The following ELP1 variants were observed in gnomAD, a reference collection of about 807,000 sequenced individuals.
ELP1 encodes the protein elongator complex protein 1.
Under a neutral mutation model 183.2 loss-of-function variants are expected in ELP1, and 131 were observed. The ratio of observed to expected loss-of-function variants is 0.72; its 90% confidence interval spans 0.62 to 0.83. The LOEUF (loss-of-function observed/expected upper bound fraction) is 0.83. Ranked by LOEUF, ELP1 falls within the 40% of genes least tolerant of loss-of-function variation. The probability of loss-of-function intolerance (pLI) is 0.00; values close to 1 mark genes in which losing one functional copy is unlikely to be tolerated. For missense variants in ELP1, 1,550 were observed against 1,594.9 expected (o/e 0.97, Z 0.48); for synonymous variants, 555 against 569.0 (o/e 0.98, Z 0.35).
At chr9:108,903,512 C>T (rs1342663844) in intron 15 of ELP1, 51 bp downstream of exon 15, 1 of 1,181,586 alleles carries the variant, frequency 8.5e-7, no homozygotes, top group Admixed American at 1.7e-5. Flanking sequence ...TTCTTAAGAA[C>T]TAAGCATCTA....
intron 36 of ELP1, 80 bp from the exon 37 acceptor site, chr9:108,869,262 A>G: frequency 8.5e-7 from 1 of 1,180,286 alleles, no homozygotes; most frequent in Non-Finnish European, 1.3e-6. Context: ...TAAACTAAAC[A>G]AACTAGGCAG....
chr9:108,917,387 A>T (rs937184832), intron 9 of ELP1, among the ~76,000 whole-genome samples, 160 bp downstream of exon 9: 7 of 152,030 alleles, frequency 4.6e-5, no homozygotes, highest in Admixed American at 4.6e-4. Context: ...GAATCACTTG[A>T]ACCTAGGAGG....
chr9:108,914,418 G>A (rs1210234470), intron 10 of ELP1, among the ~76,000 whole-genome samples: 1 of 140,824 alleles, frequency 7.1e-6, no homozygotes, highest in Admixed American at 7.1e-5. Context: ...AAAAAAGGGG[G>A]GGGGGGTTCT....
At chr9:108,913,126 A>T (rs1829296297) in intron 10 of ELP1, among the ~76,000 whole-genome samples, 1 of 152,178 alleles carries the variant, frequency 6.6e-6, no homozygotes, top group Non-Finnish European at 1.5e-5. Context: ...AGGAAAAAGC[A>T]TTCTTTTAGT....
At position 108,892,967 on chromosome 9, in the gene ELP1, A is replaced by T. The variant is rs775117814; in HGVS notation, c.2958+19T>A. On this transcript the variant is annotated intron_variant, in intron 27 of 36. Coordinates refer to ENST00000374647, the MANE Select transcript of ELP1 (RefSeq NM_003640.5). Reference sequence around the variant, plus strand: ...CAAAAAGCAAAACCAGGAGAGCCTCATTTTCACATACCACATACCTGGTAC... The same window carrying T: ...CAAAAAGCAAAACCAGGAGAGCCTCTTTTTCACATACCACATACCTGGTAC... The T allele has an allele frequency of 5.0e-6, 8 of 1,584,778 alleles. No homozygotes were observed. In the Admixed American group the frequency reaches 1.0e-4, roughly 20 times the overall value.
At chr9:108,870,568 G>T (rs992263254) in intron 36 of ELP1, among the ~76,000 whole-genome samples, 5 of 152,162 alleles carry the variant, frequency 3.3e-5, no homozygotes, top group African/African-American at 1.2e-4. Flanking sequence ...CTCAGGGGTG[G>T]TAGAGATGAA....
intron 35 of ELP1, among the ~76,000 whole-genome samples, chr9:108,877,274 T>G (rs1827737365): frequency 1.3e-5 from 2 of 152,220 alleles, no homozygotes; most frequent in Non-Finnish European, 2.9e-5. Flanking sequence ...ACTATCTCAA[T>G]GTCCTTCCTC....
intron 27 of ELP1, among the ~76,000 whole-genome samples, chr9:108,892,017 C>T (rs573370265): frequency 6.6e-6 from 1 of 152,232 alleles, no homozygotes; most frequent in East Asian, 1.9e-4. Context: ...TAGCCACTGG[C>T]CAAATCCTCG....
chr9:108,885,908 G>A (rs951195069), intron 29 of ELP1, among the ~76,000 whole-genome samples: 5 of 152,192 alleles, frequency 3.3e-5, no homozygotes, highest in African/African-American at 1.2e-4. Context: ...AAAGTACTGG[G>A]TAGTGAGTCA....
At chr9:108,879,735 T>C (rs1827848300) in intron 32 of ELP1, among the ~76,000 whole-genome samples, 178 bp from the exon 33 acceptor site, 1 of 152,362 alleles carries the variant, frequency 6.6e-6, no homozygotes, top group East Asian at 1.9e-4. Context: ...ATTACTAATG[T>C]AAATCAGTAG....
intron 6 of ELP1, 34 bp downstream of exon 6, chr9:108,922,808 A>C: frequency 6.5e-7 from 1 of 1,529,360 alleles, no homozygotes. Context: ...CATTTGTTCC[A>C]GTCAAGGCTT....
intron 6 of ELP1, among the ~76,000 whole-genome samples, chr9:108,922,304 C>G (rs1829673441): frequency 6.6e-6 from 1 of 152,216 alleles, no homozygotes; most frequent in African/African-American, 2.4e-5. Context: ...CTTGTGTCCA[C>G]ACACCTCTGC....
At chr9:108,895,293 T>C (rs1276678766) in intron 25 of ELP1, among the ~76,000 whole-genome samples, 1 of 152,080 alleles carries the variant, frequency 6.6e-6, no homozygotes, top group Non-Finnish European at 1.5e-5. Context: ...GGGTAGGCAC[T>C]GTGTGCAACA....
At position 108,931,124 on chromosome 9, in the gene ELP1, C is replaced by A. The variant is rs370041985; in HGVS notation, c.23G>T (p.Arg8Leu). 6.2e-6 allele frequency: 10 copies of A among 1,613,934 alleles called. No homozygotes were observed. Among genetic ancestry groups the A allele is most frequent in the Non-Finnish European group, 8.5e-6 (10 of 1,179,974 alleles). ...TTGAATATCCCTGAACTCCAGGGTC[C>A]GAAATAATTTCAGATTTCGCATGAT... The part of the protein sequence containing the change: MRNLKLF[R>L]TLEFRDIQGP... The change falls in exon 2 of 37, where the codon CGG becomes CTG. Residue 8 changes from arginine (R) to leucine (L), a missense_variant. Physicochemically the swap from Arg to Leu is moderately radical, Grantham distance 102. Coordinates refer to ENST00000374647, the MANE Select transcript of ELP1 (RefSeq NM_003640.5).
chr9:108,872,931 CA>C (rs1351813603), intron 36 of ELP1, among the ~76,000 whole-genome samples: 1 of 148,206 alleles, frequency 6.7e-6, no homozygotes. Flanking sequence ...GAAATAAACA[CA>C]AAGTACAGAC....
Position 108,901,580 on chromosome 9 carries a change from G to A in ELP1, c.1908+48C>T, listed in dbSNP as rs755327537. 55 of 1,608,872 alleles carry A rather than the reference G, an allele frequency of 3.4e-5. No individual in the cohort carries two copies. In the East Asian group the frequency reaches 3.6e-4, roughly 10 times the overall value. The stretch of plus-strand genomic sequence containing the variant: ...TGGGTGAAAGCTAGCTAGATTACTC[G>A]GAGCTAACACTGTGAAAAGGATCCA... On this transcript the variant is annotated intron_variant, in intron 17 of 36. Transcript: ENST00000374647.
intron 6 of ELP1, among the ~76,000 whole-genome samples, chr9:108,922,041 T>A (rs1413957362): frequency 6.6e-6 from 1 of 152,164 alleles, no homozygotes; most frequent in African/African-American, 2.4e-5. Context: ...AGCTTCTAAA[T>A]GTTATGAGGA....
rs556996249 is a variant in ELP1, at chr9:108,933,826, G to A, written c.-56+38C>T. 108 of 152,850 alleles carry A rather than the reference G, an allele frequency of 7.1e-4. 3 individuals carry two copies. The South Asian group carries it at 0.021, about 30-fold the overall frequency. 9.5% of individuals were successfully genotyped at this position (152,850 alleles called of 1,614,324 possible). ...TCACCCGGACACCGCCGGCGGAGAG[G>A]TCCACTCCCGTGCCCCTACCCTGGA... On this transcript the variant is annotated intron_variant, in intron 1 of 36. Coordinates refer to ENST00000374647, the MANE Select transcript of ELP1 (RefSeq NM_003640.5).
chr9:108,894,176 GTATTA>G, intron 25 of ELP1, 110 bp from the exon 26 acceptor site: 2 of 626,666 alleles, frequency 3.2e-6, no homozygotes, highest in Non-Finnish European at 5.4e-6. Context: ...TTTTAAATGT[GTATTA>G]TATATTAACT....
Sources: allele counts gnomAD v4.1 joint callset (sites outside exome capture counted in the v4.1 genomes callset), GRCh38; gene constraint gnomAD v4.1.1; transcripts MANE v1.5; gene names NCBI Gene and HGNC (gene_info 2026-07-23, HGNC 2026-07-21).